ZNF148: variants seen among roughly 807,000 people sequenced by gnomAD.
ZNF148 encodes zinc finger protein 148, also known as Beta-Enolase Repressor Factor-1.
In ZNF148, 7 loss-of-function variants were observed where a neutral mutation model predicts 67.7. The ratio of observed to expected loss-of-function variants is 0.10; its 90% CI spans 0.06 to 0.19. The LOEUF is 0.19. Among genes scored for constraint, ZNF148 ranks in the 10% least tolerant of loss-of-function variants. ZNF148 has a pLI of 1.00. For missense variants in ZNF148, 583 were observed against 947.1 expected (o/e 0.62, Z 5.05); for synonymous variants, 333 against 330.7 (o/e 1.01, Z -0.08).
intron 7 of ZNF148, among the ~76,000 whole-genome samples, chr3:125,277,042 T>C (rs1938114331): frequency 6.6e-6 from 1 of 152,144 alleles, no homozygotes; most frequent in Admixed American, 6.5e-5. Context: ...TTTTATTCCA[T>C]CACAAAAAGC....
intron 7 of ZNF148, among the ~76,000 whole-genome samples, chr3:125,246,487 T>C (rs1322421433): frequency 6.8e-6 from 1 of 146,408 alleles, no homozygotes; most frequent in Admixed American, 6.9e-5. Flanking sequence ...TTTAAACTTC[T>C]ACGACTTTAT....
At chr3:125,363,098 C>T (rs1942594592) in intron 1 of ZNF148, among the ~76,000 whole-genome samples, 1 of 152,156 alleles carries the variant, frequency 6.6e-6, no homozygotes, top group African/African-American at 2.4e-5. Flanking sequence ...TGTCTTCCCC[C>T]AGCTACCCAA....
intron 3 of ZNF148, among the ~76,000 whole-genome samples, chr3:125,320,180 G>C (rs1228800123): frequency 6.6e-6 from 1 of 152,010 alleles, no homozygotes; most frequent in African/African-American, 2.4e-5. Flanking sequence ...TCCTCCCTCT[G>C]TTTTCTCAAA....
At chr3:125,302,528 T>C (rs1362542354) in intron 4 of ZNF148, among the ~76,000 whole-genome samples, 3 of 152,204 alleles carry the variant, frequency 2.0e-5, no homozygotes, top group Admixed American at 1.3e-4. Flanking sequence ...TATAAACCAA[T>C]GTTATGCAAA....
intron 7 of ZNF148, among the ~76,000 whole-genome samples, chr3:125,256,268 T>A (rs1030413035): frequency 2.7e-5 from 4 of 150,732 alleles, no homozygotes; most frequent in African/African-American, 9.8e-5. Flanking sequence ...CTCGGGAGGC[T>A]GAGGCAGGAG....
At chr3:125,269,735 A>G (rs182231507) in intron 7 of ZNF148, among the ~76,000 whole-genome samples, 47 of 152,360 alleles carry the variant, frequency 3.1e-4, no homozygotes, top group Admixed American at 3.1e-3. Flanking sequence ...CTAGATAAAG[A>G]AAATGTGGTA....
intron 7 of ZNF148, among the ~76,000 whole-genome samples, chr3:125,258,239 G>A (rs1456208640): frequency 2.0e-5 from 3 of 151,668 alleles, no homozygotes; most frequent in African/African-American, 7.3e-5. Flanking sequence ...TGGCTAACAC[G>A]GTGAAACCCC....
intron 3 of ZNF148, among the ~76,000 whole-genome samples, chr3:125,317,422 GAAGT>G (rs1324879037): frequency 6.6e-6 from 1 of 152,022 alleles, no homozygotes; most frequent in Non-Finnish European, 1.5e-5. Flanking sequence ...ATTCACCAAA[GAAGT>G]AAGTATAAGG....
intron 1 of ZNF148, among the ~76,000 whole-genome samples, chr3:125,347,919 T>C (rs1942005126): frequency 2.0e-5 from 3 of 152,222 alleles, no homozygotes; most frequent in Admixed American, 6.5e-5. Context: ...AATATCTACA[T>C]GCAAAAGAAT....
At chr3:125,261,505 G>A (rs1183043287) in intron 7 of ZNF148, among the ~76,000 whole-genome samples, 4 of 152,128 alleles carry the variant, frequency 2.6e-5, no homozygotes, top group African/African-American at 7.2e-5. Context: ...TATGATAAAT[G>A]TTGACAATTT....
intron 1 of ZNF148, among the ~76,000 whole-genome samples, chr3:125,360,967 G>A (rs1942518515): frequency 6.6e-6 from 1 of 151,762 alleles, no homozygotes; most frequent in South Asian, 2.1e-4. Context: ...AGGAGGCAAG[G>A]CTGCAGTGAG....
At chr3:125,247,583 A>C (rs533513803) in intron 7 of ZNF148, among the ~76,000 whole-genome samples, 2 of 152,104 alleles carry the variant, frequency 1.3e-5, no homozygotes, top group South Asian at 2.1e-4. Context: ...GATTACAGGG[A>C]CGTACCACCA....
intron 3 of ZNF148, among the ~76,000 whole-genome samples, chr3:125,316,863 T>C (rs761325415): frequency 2.2e-4 from 34 of 152,136 alleles, no homozygotes; most frequent in Non-Finnish European, 4.0e-4. Flanking sequence ...ATGTGATTTT[T>C]TTAAATTAAT....
At chr3:125,245,710 A>G (rs1936568075) in intron 7 of ZNF148, among the ~76,000 whole-genome samples, 1 of 152,068 alleles carries the variant, frequency 6.6e-6, no homozygotes, top group South Asian at 2.1e-4. Flanking sequence ...TCCACTTCCC[A>G]CTGTCATCAC....
intron 7 of ZNF148, among the ~76,000 whole-genome samples, chr3:125,243,114 A>C (rs1464471832): frequency 6.6e-6 from 1 of 152,064 alleles, no homozygotes; most frequent in Non-Finnish European, 1.5e-5. Context: ...TACTCTTTTC[A>C]CCTAGGAAGA....
intron 1 of ZNF148, among the ~76,000 whole-genome samples, chr3:125,360,226 CAACA>C: frequency 6.6e-6 from 1 of 152,186 alleles, no homozygotes. Context: ...GTTCTATTGT[CAACA>C]AACAATAGAA....
intron 4 of ZNF148, among the ~76,000 whole-genome samples, chr3:125,311,862 C>T (rs1167276391): frequency 1.3e-5 from 2 of 152,106 alleles, no homozygotes; most frequent in African/African-American, 4.8e-5. Flanking sequence ...AGACCAATTC[C>T]TTGGAAGACA....
At chr3:125,352,318 T>C (rs1355149445) in intron 1 of ZNF148, among the ~76,000 whole-genome samples, 1 of 152,202 alleles carries the variant, frequency 6.6e-6, no homozygotes, top group African/African-American at 2.4e-5. Context: ...ATTCAATTCA[T>C]ATGAAATGTC....
At chr3:125,331,028 TGA>T in intron 2 of ZNF148, 128 bp downstream of exon 2, 1 of 394,588 alleles carries the variant, frequency 2.5e-6, no homozygotes, top group Non-Finnish European at 4.5e-6. Flanking sequence ...GTTATTTATA[TGA>T]ATATAAAAAG....
Sources: allele counts gnomAD v4.1 joint callset (sites outside exome capture counted in the v4.1 genomes callset), GRCh38; gene constraint gnomAD v4.1.1; transcripts MANE v1.5; gene names NCBI Gene and HGNC (gene_info 2026-07-23, HGNC 2026-07-21).